The following SHANK2 variants were observed in gnomAD, a reference collection of about 807,000 sequenced individuals.
SHANK2 encodes the protein SH3 and multiple ankyrin repeat domains protein 2.
A neutral mutation model predicts 133.7 loss-of-function variants in SHANK2; 43 were observed. That is an observed-to-expected ratio of 0.32 (90% CI 0.25 to 0.41). SHANK2 has a LOEUF of 0.41. Ranked by LOEUF, SHANK2 falls within the 10% of genes least tolerant of loss-of-function variation. The pLI, the probability that SHANK2 is intolerant of heterozygous loss-of-function variation, is 1.00. For synonymous variants in SHANK2, 1,017 were observed against 952.8 expected (o/e 1.07, Z -1.24); for missense variants, 1,994 against 2,235.8 (o/e 0.89, Z 2.18).
Position 71,122,891 on chromosome 11 carries a change from C to T in SHANK2, c.208-3859G>A, listed in dbSNP as rs114428586. ...CCAGCCTCCAGAATTTGAGACAATA[C>T]GTGTCTGGGATTTAAGGCACCAGTC... On this transcript the variant is annotated intron_variant, in intron 3 of 25. Coordinates refer to ENST00000601538, the MANE Select transcript of SHANK2 (RefSeq NM_012309.5). Among the ~76,000 whole-genome samples the T allele has an allele frequency of 7.2e-3, 1,090 of 152,234 alleles. 12 individuals carry two copies. Among genetic ancestry groups the T allele is most frequent in the Middle Eastern group, 0.027 (8 of 294 alleles).
chr11:71,215,581 C>T (rs1161659787), intron 2 of SHANK2, among the ~76,000 whole-genome samples: 1 of 152,204 alleles, frequency 6.6e-6, no homozygotes, highest in Non-Finnish European at 1.5e-5. Flanking sequence ...AGGCAGGCAC[C>T]TGCAGAAGGC....
At chr11:70,795,084 G>A (rs80221220) in intron 14 of SHANK2, among the ~76,000 whole-genome samples, 171 of 152,204 alleles carry the variant, frequency 1.1e-3, no homozygotes, top group Non-Finnish European at 1.9e-3. Context: ...CGCCCTCCTC[G>A]ACTCCTCTGT....
At chr11:70,632,812 G>A (rs1185112983) in intron 17 of SHANK2, among the ~76,000 whole-genome samples, 2 of 152,186 alleles carry the variant, frequency 1.3e-5, no homozygotes, top group African/African-American at 2.4e-5. Context: ...ATGTTGATCT[G>A]GAAGGTAACT....
intron 17 of SHANK2, among the ~76,000 whole-genome samples, chr11:70,646,505 G>A (rs2061263469): frequency 6.6e-6 from 1 of 152,198 alleles, no homozygotes; most frequent in Non-Finnish European, 1.5e-5. Context: ...TAGGGGTGGA[G>A]CAACCACTTT....
At chr11:70,796,145 G>A (rs1264411311) in intron 14 of SHANK2, among the ~76,000 whole-genome samples, 1 of 152,168 alleles carries the variant, frequency 6.6e-6, no homozygotes, top group Non-Finnish European at 1.5e-5. Context: ...CCCTGGGTGG[G>A]GACCCTGTCA....
At position 70,702,395 on chromosome 11, in the gene SHANK2, C is replaced by T. The variant is rs111211151; in HGVS notation, c.1778-3632G>A. On this transcript the variant is annotated intron_variant, in intron 14 of 25. Coordinates refer to ENST00000601538, the MANE Select transcript of SHANK2 (RefSeq NM_012309.5). ...CCACCAACACCACCACCATCATCAC[C>T]ACCATCCTCTTCACCATCATCATCA... 5.1e-3 allele frequency among the ~76,000 whole-genome samples: 774 copies of T among 152,032 alleles called. 6 individuals are homozygous for T. Among genetic ancestry groups the T allele is most frequent in the African/African-American group, 0.018 (747 of 41,472 alleles).
intron 10 of SHANK2, chr11:70,952,831 C>T: frequency 2.5e-6 from 1 of 394,858 alleles, no homozygotes; most frequent in Admixed American, 3.0e-5. Context: ...GCTGTGGGAA[C>T]AAATGATCAC....
intron 17 of SHANK2, among the ~76,000 whole-genome samples, chr11:70,638,655 C>T (rs113695950): frequency 6.6e-6 from 1 of 152,116 alleles, no homozygotes; most frequent in African/African-American, 2.4e-5. Flanking sequence ...TCTGAATTTC[C>T]AACAAATATA....
intron 10 of SHANK2, among the ~76,000 whole-genome samples, chr11:70,927,023 T>G (rs1950437644): frequency 6.6e-6 from 1 of 152,112 alleles, no homozygotes; most frequent in African/African-American, 2.4e-5. Context: ...CAAAAGCCGG[T>G]GATCAGAATC....
intron 16 of SHANK2, among the ~76,000 whole-genome samples, chr11:70,660,578 G>A (rs146682925): frequency 6.0e-4 from 92 of 152,244 alleles, no homozygotes; most frequent in African/African-American, 2.1e-3. Context: ...GGCTTCTGGG[G>A]CCCCACACAG....
At chr11:70,553,406 C>A (rs2059793730) in intron 17 of SHANK2, among the ~76,000 whole-genome samples, 1 of 152,146 alleles carries the variant, frequency 6.6e-6, no homozygotes, top group South Asian at 2.1e-4. Context: ...TCTTAATCAT[C>A]TCTTTAAAGA....
chr11:71,161,765 T>C (rs562240315), intron 2 of SHANK2, among the ~76,000 whole-genome samples: 1 of 152,336 alleles, frequency 6.6e-6, no homozygotes, highest in African/African-American at 2.4e-5. Context: ...CTAAAATGTA[T>C]AAAATCAAGC....
At chr11:71,158,118 A>C (rs1684043924) in intron 2 of SHANK2, among the ~76,000 whole-genome samples, 1 of 152,240 alleles carries the variant, frequency 6.6e-6, no homozygotes, top group Non-Finnish European at 1.5e-5. Flanking sequence ...AAAATAAGTA[A>C]GCGAACAGAT....
chr11:70,799,386 G>C (rs1947993928), intron 13 of SHANK2, among the ~76,000 whole-genome samples: 1 of 151,960 alleles, frequency 6.6e-6, no homozygotes, highest in Non-Finnish European at 1.5e-5. Context: ...CTGGGTGACA[G>C]AGTGAGACTC....
intron 25 of SHANK2, among the ~76,000 whole-genome samples, chr11:70,480,325 C>A (rs2058717690): frequency 6.6e-6 from 1 of 152,210 alleles, no homozygotes; most frequent in Non-Finnish European, 1.5e-5. Context: ...GAGTGTCAGT[C>A]CCTTTCTGCA....
chr11:70,816,418 G>A (rs1948398344), intron 12 of SHANK2, among the ~76,000 whole-genome samples: 1 of 152,222 alleles, frequency 6.6e-6, no homozygotes, highest in Non-Finnish European at 1.5e-5. Context: ...AGGAGGAAGT[G>A]GGGAGGGCTT....
chr11:71,098,364 G>A (rs1449629618), intron 6 of SHANK2, among the ~76,000 whole-genome samples: 3 of 152,342 alleles, frequency 2.0e-5, no homozygotes, highest in Middle Eastern at 6.8e-3. Flanking sequence ...AGATCAGTGG[G>A]CTGCAAAAAT....
At chr11:70,587,452 T>C (rs2060268845) in intron 17 of SHANK2, among the ~76,000 whole-genome samples, 1 of 152,120 alleles carries the variant, frequency 6.6e-6, no homozygotes, top group Non-Finnish European at 1.5e-5. Flanking sequence ...GTCTGGGGCA[T>C]TCTACGCAGC....
In SHANK2 at chr11:70,470,244, A is replaced by G. The variant is rs1200226902; in HGVS notation, c.*2625T>C. 2 of 152,466 alleles carry G rather than the reference A, an allele frequency of 1.3e-5. No individual in the cohort carries two copies. Among genetic ancestry groups the G allele is most frequent in the African/African-American group, 2.4e-5 (1 of 41,464 alleles). 9.4% of individuals were successfully genotyped at this position (152,466 alleles called of 1,614,324 possible). On this transcript the variant is annotated 3_prime_UTR_variant, in exon 26 of 26. Transcript: ENST00000601538. ...GGTCAGTGCAGGTTCTGATAGGTCT[A>G]TTACTTCTCTATAATAAGACAGTGT...
Sources: allele counts gnomAD v4.1 joint callset (sites outside exome capture counted in the v4.1 genomes callset), GRCh38; gene constraint gnomAD v4.1.1; transcripts MANE v1.5; gene names NCBI Gene and HGNC (gene_info 2026-07-23, HGNC 2026-07-21).